Variants in AFG2A observed in about 807,000 individuals in gnomAD.
The protein encoded by AFG2A is ATPase family gene 2 protein homolog A.
the AFG2A span, among the ~76,000 whole-genome samples, chr4:123,311,981 T>G: frequency 6.6e-6 from 1 of 152,208 alleles, no homozygotes; most frequent in Non-Finnish European, 1.5e-5. Flanking sequence ...GTTGAGAGGT[T>G]CCAGGCAGCC....
chr4:122,993,309 A>G, the AFG2A span, among the ~76,000 whole-genome samples: 1 of 152,078 alleles, frequency 6.6e-6, no homozygotes, highest in Admixed American at 6.6e-5. Context: ...GTATATTTTA[A>G]TGTAGTTAAT....
chr4:122,952,389 A>G, the AFG2A span, among the ~76,000 whole-genome samples: 1 of 152,218 alleles, frequency 6.6e-6, no homozygotes. Flanking sequence ...GATTAGTCTC[A>G]GTGGGCCCCC....
At chr4:122,973,454 GT>G in the AFG2A span, among the ~76,000 whole-genome samples, 1 of 144,196 alleles carries the variant, frequency 6.9e-6, no homozygotes, top group Non-Finnish European at 1.5e-5. Flanking sequence ...CCACTTGTAT[GT>G]TTTTTTTCCT....
chr4:122,931,193 A>G, the AFG2A span, among the ~76,000 whole-genome samples: 1 of 152,220 alleles, frequency 6.6e-6, no homozygotes, highest in Non-Finnish European at 1.5e-5. Context: ...TAACAAAAGC[A>G]ATTTAAGTAT....
chr4:122,947,423 T>G, the AFG2A span: 9 of 1,614,196 alleles, frequency 5.6e-6, no homozygotes, highest in Non-Finnish European at 7.6e-6. Flanking sequence ...GCTGAGCTGC[T>G]GCAGCTGGCA....
At chr4:123,094,083 A>G in the AFG2A span, among the ~76,000 whole-genome samples, 1 of 152,158 alleles carries the variant, frequency 6.6e-6, no homozygotes, top group African/African-American at 2.4e-5. Flanking sequence ...GTGATTCTCT[A>G]ATGTTTGACA....
the AFG2A span, among the ~76,000 whole-genome samples, chr4:123,133,633 G>A: frequency 1.3e-5 from 2 of 152,006 alleles, no homozygotes; most frequent in Admixed American, 6.6e-5. Flanking sequence ...TGAATCATAT[G>A]GTCATTCTGT....
chr4:123,050,044 C>CT, the AFG2A span, among the ~76,000 whole-genome samples: 7 of 150,220 alleles, frequency 4.7e-5, no homozygotes, highest in African/African-American at 7.3e-5. Flanking sequence ...TTAAAATTTT[C>CT]TTTTTTTTTG....
the AFG2A span, among the ~76,000 whole-genome samples, chr4:123,011,702 A>G: frequency 0.012 from 1,843 of 152,326 alleles, 43 homozygotes; most frequent in African/African-American, 0.041. Context: ...CTTAGATTTT[A>G]GATCAGGTGT....
the AFG2A span, among the ~76,000 whole-genome samples, chr4:123,258,857 A>ATT: frequency 1.5e-5 from 2 of 131,056 alleles, no homozygotes; most frequent in Non-Finnish European, 1.6e-5. Context: ...TGATACTGGT[A>ATT]CTTTTTTTTT....
At chr4:123,267,007 G>A in the AFG2A span, among the ~76,000 whole-genome samples, 1 of 151,998 alleles carries the variant, frequency 6.6e-6, no homozygotes, top group African/African-American at 2.4e-5. Flanking sequence ...GCTGAGGACA[G>A]TAGCACCACA....
chr4:123,112,110 C>T, the AFG2A span, among the ~76,000 whole-genome samples: 1 of 152,096 alleles, frequency 6.6e-6, no homozygotes, highest in Admixed American at 6.6e-5. Flanking sequence ...GAATGGCTGG[C>T]TGACTGAATG....
the AFG2A span, among the ~76,000 whole-genome samples, chr4:123,006,904 T>TA: frequency 9.4e-6 from 1 of 105,938 alleles, no homozygotes; most frequent in Non-Finnish European, 2.4e-5. Context: ...TGTTATTTTT[T>TA]TTTTCCATTT....
chr4:123,057,854 T>C, the AFG2A span, among the ~76,000 whole-genome samples: 1 of 152,120 alleles, frequency 6.6e-6, no homozygotes, highest in African/African-American at 2.4e-5. Flanking sequence ...ATAAGTATGT[T>C]TTTTTCCTCT....
At chr4:122,955,606 T>G in the AFG2A span, among the ~76,000 whole-genome samples, 1 of 152,158 alleles carries the variant, frequency 6.6e-6, no homozygotes, top group Admixed American at 6.5e-5. Flanking sequence ...CTGATATATG[T>G]AGGGAAAGAG....
At chr4:123,074,956 G>T in the AFG2A span, among the ~76,000 whole-genome samples, 2 of 151,932 alleles carry the variant, frequency 1.3e-5, no homozygotes, top group Non-Finnish European at 2.9e-5. Context: ...TTTTTTGGGG[G>T]CGGTGGGAAC....
At chr4:123,061,235 C>T in the AFG2A span, among the ~76,000 whole-genome samples, 2 of 152,186 alleles carry the variant, frequency 1.3e-5, no homozygotes, top group Non-Finnish European at 2.9e-5. Flanking sequence ...CTGTACCAAC[C>T]TTCACCTGTT....
At chr4:123,110,367 G>T in the AFG2A span, among the ~76,000 whole-genome samples, 2 of 152,048 alleles carry the variant, frequency 1.3e-5, no homozygotes, top group Non-Finnish European at 2.9e-5. Flanking sequence ...TCACATTTGT[G>T]ACCTAAACCT....
chr4:123,102,695 G>T, the AFG2A span, among the ~76,000 whole-genome samples: 1 of 151,788 alleles, frequency 6.6e-6, no homozygotes, highest in African/African-American at 2.4e-5. Flanking sequence ...GGGACTATAT[G>T]TTGAATGTTT....
Sources: allele counts gnomAD v4.1 joint callset (sites outside exome capture counted in the v4.1 genomes callset), GRCh38; gene constraint gnomAD v4.1.1; transcripts MANE v1.5; gene names NCBI Gene and HGNC (gene_info 2026-07-23, HGNC 2026-07-21).